GPC3: variants seen among roughly 807,000 people sequenced by gnomAD.
GPC3 encodes the protein glypican-3.
A neutral mutation model predicts 34.4 loss-of-function variants in GPC3; 3 were observed. That is an observed-to-expected ratio of 0.09 (90% CI 0.04 to 0.23). The LOEUF (loss-of-function observed/expected upper bound fraction) is 0.23, where lower values mean the gene tolerates loss of function less well. Ranked by LOEUF, GPC3 falls within the 10% of genes least tolerant of loss-of-function variation. The probability of loss-of-function intolerance (pLI) is 1.00; values close to 1 mark genes in which losing one functional copy is unlikely to be tolerated. For synonymous variants in GPC3, 177 were observed against 174.0 expected (o/e 1.02, Z -0.13); for missense variants, 351 against 445.6 (o/e 0.79, Z 1.91).
chrX:133,823,955 C>G (rs2075732880), intron 2 of GPC3, among the ~76,000 whole-genome samples: 1 of 85,057 alleles, frequency 1.2e-5, no homozygotes, highest in African/African-American at 4.6e-5. Context: ...GCCTGGGTGA[C>G]AGAGCGAGAC....
chrX:133,770,190 C>A (rs1281000133), intron 2 of GPC3, among the ~76,000 whole-genome samples: 2 of 111,081 alleles, frequency 1.8e-5, no homozygotes, highest in Non-Finnish European at 3.8e-5. Context: ...GGCAGGGGGA[C>A]TGCTTGAGCC....
At chrX:133,814,927 C>G (rs1410692241) in intron 2 of GPC3, among the ~76,000 whole-genome samples, 1 of 111,257 alleles carries the variant, frequency 9.0e-6, no homozygotes, top group East Asian at 2.8e-4. Context: ...AGTGCCTCTC[C>G]TGTTCCAAAC....
intron 7 of GPC3, among the ~76,000 whole-genome samples, chrX:133,546,693 T>C (rs1265357452): frequency 8.9e-6 from 1 of 112,298 alleles, no homozygotes; most frequent in Admixed American, 9.5e-5. Flanking sequence ...ATGGTTCAAA[T>C]GTGAAGAAAG....
intron 6 of GPC3, among the ~76,000 whole-genome samples, chrX:133,633,249 C>A (rs1329493894): frequency 1.8e-5 from 2 of 111,751 alleles, no homozygotes; most frequent in African/African-American, 6.5e-5. Context: ...TGATTTGTAC[C>A]TAAAATAATC....
At chrX:133,823,239 C>T (rs975822616) in intron 2 of GPC3, among the ~76,000 whole-genome samples, 3 of 103,063 alleles carry the variant, frequency 2.9e-5, no homozygotes, top group African/African-American at 1.1e-4. Flanking sequence ...CATAAGAAAC[C>T]ACAGAAGCAA....
chrX:133,876,651 T>C (rs1007997745), intron 2 of GPC3, among the ~76,000 whole-genome samples: 3 of 112,358 alleles, frequency 2.7e-5, no homozygotes, highest in Non-Finnish European at 3.8e-5. Context: ...GATGCCCAGT[T>C]ATTCTAAGAA....
chrX:133,873,511 C>T, intron 2 of GPC3, among the ~76,000 whole-genome samples: 1 of 111,226 alleles, frequency 9.0e-6, no homozygotes, highest in East Asian at 2.8e-4. Context: ...TCCTGGGTTA[C>T]AACATACTAT....
chrX:133,786,028 T>A (rs984173801), intron 2 of GPC3, among the ~76,000 whole-genome samples: 3 of 111,852 alleles, frequency 2.7e-5, no homozygotes, highest in Non-Finnish European at 1.9e-5. Context: ...GGACAAAAGA[T>A]CTAGAAAAGA....
At chrX:133,716,246 C>T (rs78157456) in intron 3 of GPC3, among the ~76,000 whole-genome samples, 12 of 108,343 alleles carry the variant, frequency 1.1e-4, no homozygotes, top group African/African-American at 3.7e-4. Context: ...TAGTTTTTGA[C>T]AAAAAAAAAT....
At chrX:133,598,521 A>C (rs1182698724) in intron 6 of GPC3, among the ~76,000 whole-genome samples, 1 of 111,136 alleles carries the variant, frequency 9.0e-6, no homozygotes, top group African/African-American at 3.3e-5. Flanking sequence ...CTGCTTCTCC[A>C]CTCAATCTGC....
chrX:133,634,390 C>T (rs906640162), intron 6 of GPC3, among the ~76,000 whole-genome samples: 3 of 112,141 alleles, frequency 2.7e-5, no homozygotes, highest in Non-Finnish European at 3.8e-5. Flanking sequence ...ATGTTCACAG[C>T]GGCATTATTC....
intron 5 of GPC3, among the ~76,000 whole-genome samples, chrX:133,662,545 AC>A (rs1191161173): frequency 8.9e-6 from 1 of 112,259 alleles, no homozygotes; most frequent in Non-Finnish European, 1.9e-5. Flanking sequence ...GAGAAGGGTA[AC>A]TATTTAAAGT....
chrX:133,557,310 A>AAAAT (rs1470466303), intron 7 of GPC3, among the ~76,000 whole-genome samples: 2 of 111,303 alleles, frequency 1.8e-5, no homozygotes, highest in African/African-American at 6.5e-5. Context: ...ATAAAAAATA[A>AAAAT]AAATAAATAA....
At chrX:133,665,807 A>T in intron 5 of GPC3, among the ~76,000 whole-genome samples, 1 of 111,620 alleles carries the variant, frequency 9.0e-6, no homozygotes, top group Non-Finnish European at 1.9e-5. Context: ...TCATCTTCTG[A>T]TGATACTACC....
In GPC3 at chrX:133,881,975, G is replaced by A. The variant is rs150860356; in HGVS notation, c.337+71075C>T. The stretch of plus-strand genomic sequence containing the variant: ...TCACAGAAGGCCAGAAGGGCCCTTC[G>A]CGCCGTGCCTCCTGCTCCCACCCTT... On this transcript the variant is annotated intron_variant, in intron 2 of 7. Transcript: ENST00000370818. 6.3e-3 allele frequency among the ~76,000 whole-genome samples: 705 copies of A among 112,552 alleles called. 8 individuals are homozygous for A. The highest frequency in any genetic ancestry group is 0.036 in the South Asian group (99 of 2,723).
At chrX:133,922,148 C>T (rs989276090) in intron 2 of GPC3, among the ~76,000 whole-genome samples, 1 of 112,515 alleles carries the variant, frequency 8.9e-6, no homozygotes, top group African/African-American at 3.2e-5. Flanking sequence ...CCTGGATTCC[C>T]TGGGAGAATG....
At chrX:133,954,150 C>T (rs1053071804) in intron 1 of GPC3, among the ~76,000 whole-genome samples, 1 of 111,015 alleles carries the variant, frequency 9.0e-6, no homozygotes, top group Non-Finnish European at 1.9e-5. Context: ...GCAGTTCAGT[C>T]GTTGTTAAGG....
chrX:133,900,448 T>C (rs780873593), intron 2 of GPC3, among the ~76,000 whole-genome samples: 1 of 111,926 alleles, frequency 8.9e-6, no homozygotes, highest in East Asian at 2.8e-4. Flanking sequence ...GAGTCAGAGC[T>C]CATCCAGACT....
At chrX:133,585,130 G>A (rs764994554) in intron 7 of GPC3, among the ~76,000 whole-genome samples, 15 of 111,774 alleles carry the variant, frequency 1.3e-4, no homozygotes, top group African/African-American at 4.5e-4. Flanking sequence ...CTACCAGTGC[G>A]AATGGGAAAT....
Sources: gnomAD v4.1 joint callset for allele counts (sites outside exome capture counted in the v4.1 genomes callset) on GRCh38, gnomAD v4.1.1 for gene constraint, MANE v1.5 for transcripts, NCBI Gene and HGNC (gene_info 2026-07-23, HGNC 2026-07-21) for gene names.